The following PTPRJ variants were observed in gnomAD, a reference collection of about 807,000 sequenced individuals.
PTPRJ encodes protein tyrosine phosphatase receptor type J.
PTPRJ carries 129 observed loss-of-function variants against 141.3 expected under a neutral mutation model. The observed-to-expected ratio is 0.91, with a 90% confidence interval of 0.79 to 1.06. The LOEUF (loss-of-function observed/expected upper bound fraction) is 1.06. PTPRJ is among the 50% of genes least tolerant of loss of function. The pLI is 0.00. For missense variants in PTPRJ, 1,601 were observed against 1,679.7 expected (o/e 0.95, Z 0.82); for synonymous variants, 610 against 640.5 (o/e 0.95, Z 0.72).
At chr11:48,003,227 G>C (rs1364915258) in intron 1 of PTPRJ, among the ~76,000 whole-genome samples, 1 of 152,158 alleles carries the variant, frequency 6.6e-6, no homozygotes, top group East Asian at 1.9e-4. Flanking sequence ...TTCGTATTTA[G>C]AGATTTAAGC....
chr11:48,123,321 G>A (rs185272788), intron 4 of PTPRJ, among the ~76,000 whole-genome samples: 30 of 152,220 alleles, frequency 2.0e-4, no homozygotes, highest in African/African-American at 6.7e-4. Flanking sequence ...AGTCACTATT[G>A]GGGTTAATCT....
At chr11:48,124,836 G>A in intron 5 of PTPRJ, 132 bp from the exon 6 acceptor site, 1 of 794,966 alleles carries the variant, frequency 1.3e-6, no homozygotes, top group East Asian at 2.4e-5. Context: ...AGGAGGAAGG[G>A]AGCAGATATT....
In PTPRJ at chr11:48,136,275, A is replaced by G; in HGVS notation, c.1852A>G (p.Asn618Asp). 1 of 1,614,188 alleles carries G rather than the reference A, an allele frequency of 6.2e-7. No individual in the cohort carries two copies. Among genetic ancestry groups the G allele is most frequent in the Non-Finnish European group, 8.5e-7 (1 of 1,180,038 alleles). The change falls in exon 9 of 25, where the codon AAC becomes GAC. Residue 618 changes from asparagine to aspartate, a missense_variant. Asn to Asp is a conservative substitution (Grantham distance 23). Coordinates refer to ENST00000418331, the MANE Select transcript of PTPRJ (RefSeq NM_002843.4). ...AGTGGACCACGTCTGGGGGGACCCC[A>G]ACTCCACTGCACAGTACACACGTAA... ...PEVDHVWGDP[N>D]STAQYTRPSN...
intron 1 of PTPRJ, among the ~76,000 whole-genome samples, chr11:47,993,640 GAGGCTCT>G (rs1229693639): frequency 6.6e-6 from 1 of 152,042 alleles, no homozygotes; most frequent in East Asian, 1.9e-4. Flanking sequence ...TCCAGTAGCT[GAGGCTCT>G]AAGAGGGAGG....
intron 16 of PTPRJ, 165 bp downstream of exon 16, chr11:48,149,653 GT>G: frequency 1.8e-6 from 1 of 559,748 alleles, no homozygotes; most frequent in Non-Finnish European, 3.1e-6. Context: ...AGGAATCTAT[GT>G]TTTATTAGTC....
intron 1 of PTPRJ, among the ~76,000 whole-genome samples, chr11:48,097,451 G>T (rs1416476190): frequency 2.0e-5 from 3 of 152,108 alleles, no homozygotes; most frequent in Non-Finnish European, 4.4e-5. Context: ...TGTGTATGTT[G>T]AAAAGTTCAG....
chr11:48,142,548 C>T (rs186942658), intron 11 of PTPRJ, among the ~76,000 whole-genome samples: 2 of 152,006 alleles, frequency 1.3e-5, no homozygotes, highest in African/African-American at 4.8e-5. Flanking sequence ...TTTCACTCTA[C>T]AAGTCTTTCA....
chr11:48,020,321 T>A (rs868201349), intron 1 of PTPRJ, among the ~76,000 whole-genome samples: 79 of 152,262 alleles, frequency 5.2e-4, no homozygotes, highest in African/African-American at 1.8e-3. Context: ...CAGATTTGAG[T>A]CAGTTATCTC....
intron 1 of PTPRJ, among the ~76,000 whole-genome samples, chr11:48,019,010 C>T (rs769248142): frequency 5.3e-5 from 8 of 151,810 alleles, no homozygotes; most frequent in South Asian, 2.1e-4. Context: ...CGTGTACGTG[C>T]GTGTGTGTGT....
intron 1 of PTPRJ, among the ~76,000 whole-genome samples, chr11:48,021,200 C>T (rs940579471): frequency 6.6e-6 from 1 of 151,942 alleles, no homozygotes; most frequent in Non-Finnish European, 1.5e-5. Flanking sequence ...ATGGTGAAAC[C>T]CTGTCTCTAC....
At chr11:48,102,293 T>TCC (rs1159090704) in intron 1 of PTPRJ, among the ~76,000 whole-genome samples, 3 of 152,012 alleles carry the variant, frequency 2.0e-5, no homozygotes, top group African/African-American at 7.3e-5. Context: ...TCCAAGCACT[T>TCC]CCCCCCGGGA....
At chr11:48,038,861 A>G (rs1854195564) in intron 1 of PTPRJ, among the ~76,000 whole-genome samples, 1 of 151,420 alleles carries the variant, frequency 6.6e-6, no homozygotes, top group South Asian at 2.1e-4. Context: ...AAAAAAAAAA[A>G]AGACTGACCA....
At chr11:48,032,939 T>C (rs1015764026) in intron 1 of PTPRJ, among the ~76,000 whole-genome samples, 5 of 151,456 alleles carry the variant, frequency 3.3e-5, no homozygotes, top group African/African-American at 4.9e-5. Context: ...AAGTGTAGGC[T>C]GGGTGCAGTG....
intron 1 of PTPRJ, among the ~76,000 whole-genome samples, chr11:48,041,190 C>T (rs117377598): frequency 5.3e-5 from 8 of 152,076 alleles, no homozygotes; most frequent in African/African-American, 9.6e-5. Context: ...AGGCATCATG[C>T]GTTCTTCATT....
At chr11:48,028,728 T>C (rs893615109) in intron 1 of PTPRJ, among the ~76,000 whole-genome samples, 3 of 152,000 alleles carry the variant, frequency 2.0e-5, no homozygotes, top group Non-Finnish European at 4.4e-5. Context: ...GAGGCAGAGG[T>C]TGCAGTAAGC....
At chr11:47,982,809 C>T (rs1425046867) in intron 1 of PTPRJ, among the ~76,000 whole-genome samples, 1 of 152,022 alleles carries the variant, frequency 6.6e-6, no homozygotes, top group Non-Finnish European at 1.5e-5. Context: ...ATTTCATTAG[C>T]ATATTGCCAC....
rs759125859 is a variant in PTPRJ at position 48,144,675 on chromosome 11, C to G, written c.2576C>G (p.Ala859Gly). ...TTCTCCTTCTGTGTACCTTTCTTAG[C>G]TGGTCACCCTTCTGCAGATGTCCTG... The part of the protein sequence containing the change: ...AYAVILTTGE[A>G]GHPSADVLKY... The change falls in exon 13 of 25, where the codon GCT (alanine) becomes GGT (glycine). Residue 859 changes from alanine (A) to glycine (G), a missense_variant and splice_region_variant. By Grantham distance (60) the Ala-to-Gly change is moderately conservative (BLOSUM62 0). Coordinates refer to ENST00000418331, the MANE Select transcript of PTPRJ (RefSeq NM_002843.4). The G allele has an allele frequency of 6.2e-7, 1 of 1,612,240 alleles. No individual in the cohort carries two copies. Among genetic ancestry groups the G allele is most frequent in the Non-Finnish European group, 8.5e-7 (1 of 1,178,404 alleles).
At chr11:48,030,385 A>G (rs1853948264) in intron 1 of PTPRJ, among the ~76,000 whole-genome samples, 2 of 152,220 alleles carry the variant, frequency 1.3e-5, no homozygotes, top group Non-Finnish European at 1.5e-5. Flanking sequence ...ACCTGCTTAC[A>G]CATGGCTTTC....
At chr11:48,086,120 A>T (rs991392676) in intron 1 of PTPRJ, among the ~76,000 whole-genome samples, 2 of 152,248 alleles carry the variant, frequency 1.3e-5, no homozygotes, top group African/African-American at 4.8e-5. Context: ...AAAAGGTGAC[A>T]TGTAAAGCTG....
Sources: gnomAD v4.1 joint callset for allele counts (sites outside exome capture counted in the v4.1 genomes callset) on GRCh38, gnomAD v4.1.1 for gene constraint, MANE v1.5 for transcripts, NCBI Gene and HGNC (gene_info 2026-07-23, HGNC 2026-07-21) for gene names.